BTBD7: variants seen among roughly 807,000 people sequenced by gnomAD.
BTBD7 encodes BTB/POZ domain-containing protein 7.
BTBD7 carries 38 observed loss-of-function variants against 99.9 expected under a neutral mutation model. The ratio of observed to expected loss-of-function variants is 0.38; its 90% CI spans 0.29 to 0.50. BTBD7 has a LOEUF of 0.50. Ranked by LOEUF, BTBD7 falls within the 20% of genes least tolerant of loss-of-function variation. BTBD7 has a pLI of 0.93. For synonymous variants in BTBD7, 520 were observed against 511.4 expected (o/e 1.02, Z -0.23); for missense variants, 1,170 against 1,394.6 (o/e 0.84, Z 2.57).
At chr14:93,324,879 A>G (rs570014396) in intron 1 of BTBD7, among the ~76,000 whole-genome samples, 21 of 152,340 alleles carry the variant, frequency 1.4e-4, no homozygotes, top group African/African-American at 5.1e-4. Context: ...TTAGGAAAGA[A>G]GAGAAAAGTA....
chr14:93,245,762 A>T, intron 10 of BTBD7, 63 bp downstream of exon 10: 1 of 1,550,576 alleles, frequency 6.4e-7, no homozygotes, highest in Non-Finnish European at 8.7e-7. Flanking sequence ...CTTGGGGCCA[A>T]GAAAATTGCT....
chr14:93,273,458 A>G (rs1222468030), intron 3 of BTBD7, among the ~76,000 whole-genome samples: 1 of 152,246 alleles, frequency 6.6e-6, no homozygotes, highest in Non-Finnish European at 1.5e-5. Flanking sequence ...TTCAGGCTCC[A>G]GACTTAATTT....
chr14:93,264,789 A>T (rs1293519810), intron 3 of BTBD7, among the ~76,000 whole-genome samples: 1 of 152,202 alleles, frequency 6.6e-6, no homozygotes, highest in Non-Finnish European at 1.5e-5. Flanking sequence ...ACAAACAAAC[A>T]AACAAACAGG....
At chr14:93,285,741 G>A (rs2139749338) in intron 3 of BTBD7, among the ~76,000 whole-genome samples, 1 of 152,294 alleles carries the variant, frequency 6.6e-6, no homozygotes, top group African/African-American at 2.4e-5. Flanking sequence ...GATCAAACAT[G>A]TGCTCCTTCT....
intron 10 of BTBD7, among the ~76,000 whole-genome samples, chr14:93,243,656 A>C (rs1442362259): frequency 6.6e-6 from 1 of 152,194 alleles, no homozygotes; most frequent in Middle Eastern, 3.2e-3. Flanking sequence ...ATCTGTCACT[A>C]AATCTTTGAG....
intron 1 of BTBD7, among the ~76,000 whole-genome samples, chr14:93,320,913 T>C (rs2053262168): frequency 6.6e-6 from 1 of 152,172 alleles, no homozygotes. Flanking sequence ...ACATACCCTT[T>C]AGAAACTAAT....
intron 3 of BTBD7, chr14:93,288,475 T>C (rs996654288): frequency 5.5e-6 from 4 of 724,822 alleles, no homozygotes; most frequent in Non-Finnish European, 5.1e-6. Flanking sequence ...ACTGATTCCA[T>C]AAAAAGTTCT....
At chr14:93,328,464 G>A (rs915415724) in intron 1 of BTBD7, among the ~76,000 whole-genome samples, 1 of 151,900 alleles carries the variant, frequency 6.6e-6, no homozygotes, top group African/African-American at 2.4e-5. Context: ...TCAAACTTGT[G>A]GTCGAATAAT....
chr14:93,319,804 GTTC>G (rs1463292790), intron 1 of BTBD7, among the ~76,000 whole-genome samples: 3 of 151,914 alleles, frequency 2.0e-5, no homozygotes, highest in Admixed American at 1.3e-4. Context: ...CTCATATTGT[GTTC>G]TTACCAAAAA....
Position 93,251,655 on chromosome 14 carries a change from GA to G in BTBD7, c.1753-4del. 4.4e-6 allele frequency: 7 copies of G among 1,574,050 alleles called. No individual in the cohort carries two copies. Among genetic ancestry groups the G allele is most frequent in the Non-Finnish European group, 6.1e-6 (7 of 1,152,370 alleles). On this transcript the variant is annotated splice_polypyrimidine_tract_variant and splice_region_variant and intron_variant, in intron 7 of 10. Transcript: ENST00000334746. ...ACCATCATCTCATCTAGCACTGACT[GA>G]AATAATCATTCAGTATTAACAAAAC...
intron 3 of BTBD7, among the ~76,000 whole-genome samples, chr14:93,293,292 A>C (rs1426540961): frequency 6.6e-6 from 1 of 152,180 alleles, no homozygotes; most frequent in Non-Finnish European, 1.5e-5. Flanking sequence ...AAGGCACATG[A>C]GTCTAGCGCT....
intron 5 of BTBD7, among the ~76,000 whole-genome samples, chr14:93,258,240 AATTG>A (rs977681032): frequency 2.6e-5 from 4 of 151,012 alleles, no homozygotes; most frequent in Non-Finnish European, 5.9e-5. Flanking sequence ...AGAGAGAGAG[AATTG>A]ATTGTTTTTG....
chr14:93,317,352 T>A (rs1308335913), intron 1 of BTBD7, among the ~76,000 whole-genome samples: 1 of 145,670 alleles, frequency 6.9e-6, no homozygotes, highest in Non-Finnish European at 1.5e-5. Flanking sequence ...TGCACTGAGC[T>A]AATGTTGATA....
At position 93,242,577 on chromosome 14, in the gene BTBD7, T is replaced by G. The variant is rs1360943345; in HGVS notation, c.3095A>C (p.Gln1032Pro). 1 of 1,614,214 alleles carries G rather than the reference T, an allele frequency of 6.2e-7. No individual in the cohort carries two copies. Among genetic ancestry groups the G allele is most frequent in the Non-Finnish European group, 8.5e-7 (1 of 1,180,044 alleles). Residue 1032 changes from glutamine to proline, a missense_variant, in exon 11 of 11, where the codon CAA (glutamine) becomes CCA (proline). Gln to Pro is a moderately conservative substitution (Grantham distance 76). Around this residue, in one of 4 missense-constraint regions of BTBD7, gnomAD observed 495 missense variants for 525.9 expected, o/e 0.94. Coordinates refer to ENST00000334746, the MANE Select transcript of BTBD7 (RefSeq NM_001002860.4). ...AGGAAAGTCTGACCGCTGGGGAGGT[T>G]GCTCAACGACATCCAGGTGTATCGG... ...NEPIHLDVVE[Q>P]PPQRSDFPLA...
intron 1 of BTBD7, among the ~76,000 whole-genome samples, chr14:93,306,686 T>C (rs1018285051): frequency 6.6e-6 from 1 of 152,316 alleles, no homozygotes; most frequent in Non-Finnish European, 1.5e-5. Flanking sequence ...ATGGTGCTTA[T>C]TTCTTGAGGC....
rs558134454 is a variant in BTBD7 at position 93,310,486 on chromosome 14, T to C, written c.-106-14329A>G. On this transcript the variant is annotated intron_variant, in intron 1 of 10. Coordinates refer to ENST00000334746, the MANE Select transcript of BTBD7 (RefSeq NM_001002860.4). ...ATAGTTTGGATTTTGCCAAATGTAT[T>C]ACCATGATGTAGTTTAATAATGTGC... Among the ~76,000 whole-genome samples the C allele has an allele frequency of 5.3e-5, 8 of 152,326 alleles. No individual in the cohort carries two copies. In the South Asian group the frequency reaches 1.7e-3, roughly 32 times the overall value.
Position 93,293,995 on chromosome 14 carries a change from A to C in BTBD7, c.1025T>G (p.Leu342Trp). The change falls in exon 3 of 11, where the codon TTG becomes TGG. Residue 342 changes from leucine (L) to tryptophan (W), a missense_variant. Around this residue, in one of 4 missense-constraint regions of BTBD7, gnomAD observed 359 missense variants for 497.9 expected, o/e 0.72. Coordinates refer to ENST00000334746, the MANE Select transcript of BTBD7 (RefSeq NM_001002860.4). ...MYTDVVDLSV[L>W]HCSPSVGSLS... is the part of the protein sequence containing the mutation. ...ACTCCCCACAGAGGGGCTACAGTGCAAAACAGAGAGGTCCACCACGTCGGT... is the reference window on the plus strand; with the variant it reads ...ACTCCCCACAGAGGGGCTACAGTGCCAAACAGAGAGGTCCACCACGTCGGT... 1.9e-6 allele frequency: 3 copies of C among 1,613,910 alleles called. No homozygotes were observed. Among genetic ancestry groups the C allele is most frequent in the Non-Finnish European group, 2.5e-6 (3 of 1,179,878 alleles).
chr14:93,250,304 A>T (rs1386471672), intron 8 of BTBD7, among the ~76,000 whole-genome samples: 1 of 152,240 alleles, frequency 6.6e-6, no homozygotes, highest in Non-Finnish European at 1.5e-5. Flanking sequence ...GAGTTCTAAG[A>T]TTAAATTATG....
chr14:93,294,187 T>C lies in BTBD7; in HGVS notation c.833A>G (p.Lys278Arg). The C allele has an allele frequency of 6.2e-7, 1 of 1,614,170 alleles. No homozygotes were observed. ...NCLDEELKAH[K>R]AVISARSPFF... ...TGGGGACCGTGCAGAAATAACAGCC[T>C]TGTGGGCTTTGAGCTCTTCATCTAA... Residue 278 changes from lysine (K) to arginine (R), a missense_variant, in exon 3 of 11, where the codon AAG (lysine) becomes AGG (arginine). Physicochemically the swap from Lys to Arg is conservative, Grantham distance 26 (BLOSUM62 2). Transcript: ENST00000334746.
Sources: gnomAD v4.1 joint callset for allele counts (sites outside exome capture counted in the v4.1 genomes callset) on GRCh38, gnomAD v4.1.1 for gene constraint, gnomAD v4.1.1 regional missense constraint, MANE v1.5 for transcripts, NCBI Gene and HGNC (gene_info 2026-07-23, HGNC 2026-07-21) for gene names.